CYB5R2: variants seen among roughly 807,000 people sequenced by gnomAD.
CYB5R2 encodes NADH-cytochrome b5 reductase 2.
A neutral mutation model predicts 29.8 loss-of-function variants in CYB5R2; 35 were observed. That is an observed-to-expected ratio of 1.17 (90% CI 0.90 to 1.56). The LOEUF (loss-of-function observed/expected upper bound fraction) is 1.56, where lower values mean the gene tolerates loss of function less well. Ranked by LOEUF, CYB5R2 falls within the 40% of genes most tolerant of loss-of-function variation. CYB5R2 has a pLI of 0.00. For missense variants in CYB5R2, 419 were observed against 346.7 expected (o/e 1.21, Z -1.66); for synonymous variants, 169 against 130.6 (o/e 1.29, Z -2.01).
upstream of CYB5R2, chr11:7,673,627 G>A (rs922777792): frequency 2.0e-6 from 2 of 985,166 alleles, no homozygotes; most frequent in African/African-American, 1.7e-5. Context: ...GGCTCTAGCC[G>A]GCCTCCGCGC....
chr11:7,673,158 G>C, intron 1 of CYB5R2: 2 of 407,850 alleles, frequency 4.9e-6, no homozygotes, highest in South Asian at 2.4e-5. Context: ...GGGTGCTCAG[G>C]TCACTAGGCC....
At chr11:7,668,956 C>A in intron 5 of CYB5R2, 1 of 646,176 alleles carries the variant, frequency 1.5e-6, no homozygotes, top group South Asian at 1.7e-5. Flanking sequence ...ATGTATCAGG[C>A]ATTGTGCTGG....
intron 8 of CYB5R2, chr11:7,665,766 G>T: frequency 7.2e-7 from 1 of 1,398,182 alleles, no homozygotes; most frequent in Non-Finnish European, 9.7e-7. Flanking sequence ...GGACCCTGAA[G>T]CCCTGCTGCT....
At chr11:7,667,672 AG>A in intron 7 of CYB5R2, 55 bp downstream of exon 7, 1 of 1,481,544 alleles carries the variant, frequency 6.7e-7, no homozygotes, top group East Asian at 2.3e-5. Context: ...AATGAAAACA[AG>A]AGCCCAGCTC....
chr11:7,672,390 A>G, intron 3 of CYB5R2, 61 bp downstream of exon 3: 2 of 1,446,184 alleles, frequency 1.4e-6, no homozygotes, highest in Middle Eastern at 2.0e-4. Context: ...TGTTTCTGTT[A>G]AGAGAGGAGG....
At chr11:7,674,151 G>T (rs1311769201), upstream of CYB5R2, 6 of 1,223,986 alleles carry the variant, frequency 4.9e-6, no homozygotes, top group Non-Finnish European at 5.2e-6. Flanking sequence ...CTGGGTGACC[G>T]GGCGGAGGGG....
chr11:7,665,808 A>C, intron 8 of CYB5R2: 9 of 1,513,224 alleles, frequency 5.9e-6, no homozygotes, highest in Non-Finnish European at 7.1e-6. Context: ...ACGAGGAAGG[A>C]GAACACAACG....
Position 7,668,541 on chromosome 11 carries a change from C to T in CYB5R2, c.409G>A (p.Asp137Asn), listed in dbSNP as rs748398754. 2.5e-6 allele frequency: 4 copies of T among 1,613,966 alleles called. No individual in the cohort carries two copies. In the African/African-American group the frequency reaches 4.0e-5, roughly 16 times the overall value. The change falls in exon 6 of 9, where the codon GAC (aspartate) becomes AAC (asparagine). Residue 137 changes from aspartate (D) to asparagine (N), a missense_variant. Transcript: ENST00000299498. ...HGPGNLGIRP[D>N]QTSEPKKTLA... ...GTTTTTTTAGGCTCACTCGTCTGGT[C>T]TGGTCTGATTCCAAGATTCCCTGGA...
intron 8 of CYB5R2, 25 bp from the exon 9 acceptor site, chr11:7,665,571 AAG>A (rs781099070): frequency 4.7e-5 from 74 of 1,577,576 alleles, no homozygotes; most frequent in Non-Finnish European, 5.5e-5. Context: ...ATGCAGGAGC[AAG>A]CTGAGCGATG....
At chr11:7,668,003 T>C (rs1227546465) in intron 6 of CYB5R2, among the ~76,000 whole-genome samples, 190 bp from the exon 7 acceptor site, 2 of 152,266 alleles carry the variant, frequency 1.3e-5, no homozygotes, top group African/African-American at 2.4e-5. Context: ...TCAGGTAGTC[T>C]TTCTCATTTT....
intron 3 of CYB5R2, 31 bp from the exon 4 acceptor site, chr11:7,669,762 A>G (rs1344664523): frequency 6.7e-7 from 1 of 1,495,376 alleles, no homozygotes; most frequent in Non-Finnish European, 9.3e-7. Flanking sequence ...ACTGAGTCAA[A>G]GCATATTTAG....
In CYB5R2 at chr11:7,665,401, A is replaced by T; in HGVS notation, c.804T>A (p.Tyr268Ter). 1 of 1,599,822 alleles carries T rather than the reference A, an allele frequency of 6.3e-7. No individual in the cohort carries two copies. The highest frequency in any genetic ancestry group is 8.5e-7 in the Non-Finnish European group (1 of 1,174,216). ...AGTAGGTGAAAATCATGTCCTGGGT[A>T]TAACCCAGCTTCTCCAGGTTAGGGT... ...AAHPNLEKLG[Y>*]TQDMIFTY The change falls in exon 9 of 9, where the codon TAT (tyrosine) becomes TAA (stop). Residue 268 changes from tyrosine to a stop codon, truncating the protein, a stop_gained. Coordinates refer to ENST00000299498, the MANE Select transcript of CYB5R2 (RefSeq NM_016229.5). LOFTEE classifies it high-confidence loss of function.
At chr11:7,673,899 CG>C (rs1855926582), upstream of CYB5R2, 5 of 998,880 alleles carry the variant, frequency 5.0e-6, no homozygotes, top group Non-Finnish European at 6.0e-6. Flanking sequence ...GCTGGGACCC[CG>C]GCGGCTGGCC....
intron 8 of CYB5R2, 184 bp downstream of exon 8, chr11:7,666,267 G>C: frequency 1.7e-6 from 1 of 600,690 alleles, no homozygotes; most frequent in Middle Eastern, 4.4e-4. Context: ...GCCCTTAAAA[G>C]CAGGCCATCC....
intron 3 of CYB5R2, chr11:7,670,710 G>C (rs772673270): frequency 2.6e-5 from 4 of 152,206 alleles, no homozygotes; most frequent in Non-Finnish European, 5.9e-5. Flanking sequence ...CCCACTGTCA[G>C]ATGACACACT....
intron 7 of CYB5R2, chr11:7,666,989 G>A (rs1420294824): frequency 1.3e-5 from 2 of 153,896 alleles, no homozygotes; most frequent in African/African-American, 4.8e-5. Context: ...AACAGCACTG[G>A]ATATGTGAAG....
chr11:7,665,256 G>T lies in CYB5R2; in HGVS notation c.*118C>A. On this transcript the variant is annotated 3_prime_UTR_variant, in exon 9 of 9. Transcript: ENST00000299498. ...ACACCCAAAAGAGGAGAACCAGTGTGTGCGCGAAGGTACATGGCAAGGCAC... is the reference window on the plus strand; with the variant it reads ...ACACCCAAAAGAGGAGAACCAGTGTTTGCGCGAAGGTACATGGCAAGGCAC... The T allele has an allele frequency of 1.2e-6, 1 of 867,412 alleles. No individual in the cohort carries two copies. Among genetic ancestry groups the T allele is most frequent in the Non-Finnish European group, 1.7e-6 (1 of 575,830 alleles). 53.7% of individuals were successfully genotyped at this position (867,412 alleles called of 1,614,324 possible). A position where few individuals can be genotyped will look rare whatever the true frequency, so the allele number is the denominator to read the frequency against.
At chr11:7,667,661 A>C (rs1855390902) in intron 7 of CYB5R2, 67 bp downstream of exon 7, 6 of 1,411,774 alleles carry the variant, frequency 4.2e-6, no homozygotes, top group Non-Finnish European at 6.0e-6. Flanking sequence ...AATGCAGGAG[A>C]AATGAAAACA....
At chr11:7,666,612 C>T in intron 7 of CYB5R2, 62 bp from the exon 8 acceptor site, 1 of 1,240,196 alleles carries the variant, frequency 8.1e-7, no homozygotes, top group South Asian at 1.3e-5. Context: ...CCTGGACTGA[C>T]TACACCGGTC....
Sources: allele counts gnomAD v4.1 joint callset (sites outside exome capture counted in the v4.1 genomes callset), GRCh38; gene constraint gnomAD v4.1.1; transcripts MANE v1.5; gene names NCBI Gene and HGNC (gene_info 2026-07-23, HGNC 2026-07-21).